ATP2B4: variants seen among roughly 807,000 people sequenced by gnomAD.
The protein encoded by ATP2B4 is ATPase plasma membrane Ca2+ transporting 4, also known as plasma membrane calcium-transporting ATPase 4.
Under a neutral mutation model 110.3 loss-of-function variants are expected in ATP2B4, and 39 were observed. The ratio of observed to expected loss-of-function variants is 0.35; its 90% CI spans 0.27 to 0.46. The LOEUF is 0.46. Ranked by LOEUF, ATP2B4 falls within the 20% of genes least tolerant of loss-of-function variation. The probability of loss-of-function intolerance (pLI) is 1.00; values close to 1 mark genes in which losing one functional copy is unlikely to be tolerated. For missense variants in ATP2B4, 1,135 were observed against 1,530.9 expected (o/e 0.74, Z 4.32); for synonymous variants, 538 against 571.7 (o/e 0.94, Z 0.84).
intron 3 of ATP2B4, among the ~76,000 whole-genome samples, chr1:203,698,746 C>T (rs545143858): frequency 1.5e-4 from 23 of 152,178 alleles, no homozygotes; most frequent in Admixed American, 9.8e-4. Flanking sequence ...AAGCAATTCT[C>T]GTGCCTCGGC....
At chr1:203,717,027 G>A (rs1241364489) in intron 15 of ATP2B4, among the ~76,000 whole-genome samples, 4 of 143,596 alleles carry the variant, frequency 2.8e-5, no homozygotes, top group Non-Finnish European at 4.6e-5. Flanking sequence ...AGTGAAACCC[G>A]TCTCTACTAA....
chr1:203,701,724 C>T (rs1041475653), intron 6 of ATP2B4, among the ~76,000 whole-genome samples: 3 of 152,200 alleles, frequency 2.0e-5, no homozygotes, highest in East Asian at 1.9e-4. Flanking sequence ...CAGGCAGAAA[C>T]GGTTCAAACC....
chr1:203,722,754 G>C, intron 18 of ATP2B4, 65 bp downstream of exon 18: 3 of 1,515,328 alleles, frequency 2.0e-6, no homozygotes, highest in Non-Finnish European at 2.7e-6. Flanking sequence ...CTGGGAGCCA[G>C]GGTTCCCTAC....
intron 2 of ATP2B4, 64 bp downstream of exon 2, chr1:203,683,462 C>T: frequency 2.0e-6 from 3 of 1,482,826 alleles, no homozygotes; most frequent in East Asian, 2.3e-5. Context: ...ATATTGTTTT[C>T]CCAGCTTCTA....
At chr1:203,710,324 C>T (rs1020344543) in intron 11 of ATP2B4, among the ~76,000 whole-genome samples, 6 of 151,808 alleles carry the variant, frequency 4.0e-5, no homozygotes, top group African/African-American at 9.7e-5. Context: ...GAGCTGAGAT[C>T]GCACCACTGC....
intron 13 of ATP2B4, 146 bp from the exon 14 acceptor site, chr1:203,713,019 C>G (rs960418050): frequency 2.0e-5 from 17 of 831,782 alleles, no homozygotes; most frequent in Non-Finnish European, 3.1e-5. Context: ...TTGGCTGTTT[C>G]ATCTCTGCTT....
intron 1 of ATP2B4, among the ~76,000 whole-genome samples, chr1:203,652,197 T>G (rs1376115840): frequency 1.4e-5 from 2 of 144,880 alleles, no homozygotes; most frequent in Non-Finnish European, 3.0e-5. Context: ...TAAGCTGGAG[T>G]GCAGTGGCAC....
rs1278977886 is a variant in ATP2B4, at chr1:203,683,034, G to A, written c.-172G>A. 1.1e-5 allele frequency: 7 copies of A among 626,080 alleles called. No individual in the cohort carries two copies. The highest frequency in any genetic ancestry group is 7.4e-5 in the South Asian group (3 of 40,602). 38.8% of individuals were successfully genotyped at this position (626,080 alleles called of 1,614,324 possible). On this transcript the variant is annotated 5_prime_UTR_variant, in exon 2 of 21. Coordinates refer to ENST00000357681, the MANE Select transcript of ATP2B4 (RefSeq NM_001684.5). ...ATACGGAAGAAAGGATCTAGACTTC[G>A]GACGGCTACTCGGGAGCTTATTGCA...
At chr1:203,712,301 G>A (rs1308088756) in intron 13 of ATP2B4, among the ~76,000 whole-genome samples, 162 bp downstream of exon 13, 1 of 152,062 alleles carries the variant, frequency 6.6e-6, no homozygotes, top group Non-Finnish European at 1.5e-5. Flanking sequence ...TGGTAACATT[G>A]GGAGTTGCCG....
chr1:203,719,386 G>A (rs1431106645), intron 15 of ATP2B4, among the ~76,000 whole-genome samples: 2 of 151,556 alleles, frequency 1.3e-5, no homozygotes, highest in Admixed American at 6.6e-5. Flanking sequence ...GTCGTTTTTG[G>A]TGTATTCTTC....
rs548972733 is a variant in ATP2B4 at position 203,743,410 on chromosome 1, G to A, written c.*3556G>A. On this transcript the variant is annotated 3_prime_UTR_variant, in exon 21 of 21. Coordinates refer to ENST00000357681, the MANE Select transcript of ATP2B4 (RefSeq NM_001684.5). Reference sequence around the variant, plus strand: ...CCAGCCTCTTCCTCTGAATAGACCAGACGCCCTTTCACTTAGTTCAGTGCC... The same window carrying A: ...CCAGCCTCTTCCTCTGAATAGACCAAACGCCCTTTCACTTAGTTCAGTGCC... The A allele has an allele frequency of 4.6e-5, 7 of 152,714 alleles. No individual in the cohort carries two copies. Among genetic ancestry groups the A allele is most frequent in the Non-Finnish European group, 8.8e-5 (6 of 68,044 alleles). 9.5% of individuals were successfully genotyped at this position (152,714 alleles called of 1,614,324 possible). A position where few individuals can be genotyped will look rare whatever the true frequency, so the allele number is the denominator to read the frequency against.
In ATP2B4 at chr1:203,664,824, C is replaced by CTTTTA. The variant is rs781654922; in HGVS notation, c.-464-17898_-464-17894dup. Among the ~76,000 whole-genome samples the CTTTTA allele has an allele frequency of 1.6e-3, 250 of 152,158 alleles. 1 individual carries two copies. Among genetic ancestry groups the CTTTTA allele is most frequent in the Non-Finnish European group, 2.7e-3 (184 of 67,992 alleles). ...ACTGCACCTGCTAGTCCTTAAGGTA[C>CTTTTA]TTTTATTTTATTTTATTTTATTTTT... On this transcript the variant is annotated intron_variant, in intron 1 of 20. Transcript: ENST00000357681.
intron 1 of ATP2B4, among the ~76,000 whole-genome samples, chr1:203,632,247 T>C (rs902646486): frequency 6.6e-6 from 1 of 151,798 alleles, no homozygotes; most frequent in East Asian, 1.9e-4. Context: ...TGTGAACTTA[T>C]ATGACATGAT....
At chr1:203,731,320 TC>T (rs1044282122) in intron 20 of ATP2B4, among the ~76,000 whole-genome samples, 6 of 152,204 alleles carry the variant, frequency 3.9e-5, no homozygotes, top group Admixed American at 3.9e-4. Context: ...TCACTCACAT[TC>T]TGCCTACTTT....
intron 1 of ATP2B4, among the ~76,000 whole-genome samples, chr1:203,652,168 A>T (rs1664018430): frequency 7.0e-6 from 1 of 143,860 alleles, no homozygotes; most frequent in Non-Finnish European, 1.5e-5. Flanking sequence ...TTTCTGACAC[A>T]GAGTCTCACT....
rs965625905 is a variant in ATP2B4, at chr1:203,637,368, G to A, written c.-465+10149G>A. 5.3e-5 allele frequency among the ~76,000 whole-genome samples: 8 copies of A among 151,002 alleles called. 1 individual carries two copies. The East Asian group carries it at 5.9e-4, about 11-fold the overall frequency. On this transcript the variant is annotated intron_variant, in intron 1 of 20. Coordinates refer to ENST00000357681, the MANE Select transcript of ATP2B4 (RefSeq NM_001684.5). ...ATGGCGTGAACCCCCGGGGGGGGGC[G>A]GAGCCTGCAGTGAGCCGAGATCGCA...
chr1:203,712,307 T>TG (rs1363290037), intron 13 of ATP2B4, among the ~76,000 whole-genome samples, 168 bp downstream of exon 13: 3 of 152,120 alleles, frequency 2.0e-5, no homozygotes, highest in Non-Finnish European at 4.4e-5. Context: ...CATTGGGAGT[T>TG]GCCGGCTGGG....
At chr1:203,683,570 T>C (rs4951070) in intron 2 of ATP2B4, among the ~76,000 whole-genome samples, 172 bp downstream of exon 2, 126,228 of 151,718 alleles carry the variant, frequency 0.83, 53,336 homozygotes, top group East Asian at 1. Context: ...CATGAAGAAC[T>C]GTATCTTTCC....
At chr1:203,648,292 T>TAA (rs530841589) in intron 1 of ATP2B4, among the ~76,000 whole-genome samples, 46 of 150,956 alleles carry the variant, frequency 3.0e-4, no homozygotes, top group African/African-American at 1.0e-3. Context: ...AGTGTTTTTT[T>TAA]TAAAAAAAAA....
Sources: allele counts gnomAD v4.1 joint callset (sites outside exome capture counted in the v4.1 genomes callset), GRCh38; gene constraint gnomAD v4.1.1; transcripts MANE v1.5; gene names NCBI Gene and HGNC (gene_info 2026-07-23, HGNC 2026-07-21).